GLDN: variants seen among roughly 807,000 people sequenced by gnomAD.
The protein encoded by GLDN is collomin.
Under a neutral mutation model 56.5 loss-of-function variants are expected in GLDN, and 47 were observed. The observed-to-expected ratio is 0.83, with a 90% CI of 0.66 to 1.06. The LOEUF is 1.06. Ranked by LOEUF, GLDN falls within the 50% of genes least tolerant of loss-of-function variation. The pLI, the probability that GLDN is intolerant of heterozygous loss-of-function variation, is 0.00. For synonymous variants in GLDN, 332 were observed against 278.8 expected (o/e 1.19, Z -1.90); for missense variants, 782 against 714.3 (o/e 1.09, Z -1.08).
At chr15:51,387,125 CTCCAACCTCAGG>C (rs2037914396) in intron 4 of GLDN, among the ~76,000 whole-genome samples, 1 of 152,046 alleles carries the variant, frequency 6.6e-6, no homozygotes, top group Non-Finnish European at 1.5e-5. Context: ...CCCTGAGAAG[CTCCAACCTCAGG>C]TGACAAAGTA....
chr15:51,398,521 A>G (rs1335802012), intron 6 of GLDN, among the ~76,000 whole-genome samples: 1 of 152,184 alleles, frequency 6.6e-6, no homozygotes, highest in Non-Finnish European at 1.5e-5. Context: ...CCTCACTGGA[A>G]TTTCTCAGCC....
At chr15:51,353,259 A>G (rs1414935919) in intron 1 of GLDN, among the ~76,000 whole-genome samples, 2 of 151,956 alleles carry the variant, frequency 1.3e-5, no homozygotes, top group African/African-American at 2.4e-5. Flanking sequence ...CTGCCAAACT[A>G]TCTTTCTAAA....
At chr15:51,388,809 C>T (rs1450927168) in intron 4 of GLDN, among the ~76,000 whole-genome samples, 3 of 152,148 alleles carry the variant, frequency 2.0e-5, no homozygotes, top group African/African-American at 7.2e-5. Context: ...AGAGCAAGAG[C>T]GAACAGGAAA....
chr15:51,385,105 T>C (rs1031331736), intron 4 of GLDN: 2 of 152,162 alleles, frequency 1.3e-5, no homozygotes, highest in Admixed American at 6.5e-5. Context: ...GTAATTACCA[T>C]TGGAATTACA....
Position 51,383,869 on chromosome 15 carries a change from C to A in GLDN, c.518C>A (p.Ala173Glu). The A allele has an allele frequency of 6.2e-7, 1 of 1,611,012 alleles. No homozygotes were observed. ...CAGGGCCCAAAAGGAGAAAAAGGAG[C>A]AAATGGAAAAAGAGGAAAAATGGGT... ...GPQGPKGEKG[A>E]NGKRGKMGIP... is the part of the protein sequence containing the mutation. Residue 173 changes from alanine to glutamate, a missense_variant, in exon 4 of 10, where the codon GCA becomes GAA. Physicochemically the swap from Ala to Glu is moderately radical, Grantham distance 107 (BLOSUM62 -1). Coordinates refer to ENST00000335449, the MANE Select transcript of GLDN (RefSeq NM_181789.4).
intron 4 of GLDN, chr15:51,385,536 A>G (rs1595828331): frequency 6.6e-6 from 1 of 152,362 alleles, no homozygotes; most frequent in African/African-American, 2.4e-5. Context: ...CGGATAATAA[A>G]TAAGATAAAT....
rs370821864 is a variant in GLDN at position 51,378,100 on chromosome 15, C to G, written c.415+600C>G. Among the ~76,000 whole-genome samples, 18 of 152,292 alleles carry G rather than the reference C, an allele frequency of 1.2e-4. No individual in the cohort carries two copies. The South Asian group carries it at 2.9e-3, about 25-fold the overall frequency. ...TTTTTCCCCAATATTTCCCCCACCT[C>G]CCTCTCATTACCTGCCTTGCATTAG... On this transcript the variant is annotated intron_variant, in intron 2 of 9. Coordinates refer to ENST00000335449, the MANE Select transcript of GLDN (RefSeq NM_181789.4).
At chr15:51,379,287 C>T (rs1056423816) in intron 2 of GLDN, among the ~76,000 whole-genome samples, 2 of 152,196 alleles carry the variant, frequency 1.3e-5, no homozygotes, top group African/African-American at 2.4e-5. Flanking sequence ...AGCATATCTT[C>T]TGGGAGAGCA....
At chr15:51,395,626 C>T (rs532145909) in intron 5 of GLDN, among the ~76,000 whole-genome samples, 7 of 152,240 alleles carry the variant, frequency 4.6e-5, no homozygotes, top group East Asian at 3.9e-4. Context: ...AACTCTCTTA[C>T]GTGCAGCCCA....
At chr15:51,395,522 G>T (rs956833135) in intron 5 of GLDN, among the ~76,000 whole-genome samples, 5 of 152,174 alleles carry the variant, frequency 3.3e-5, no homozygotes, top group African/African-American at 1.2e-4. Flanking sequence ...TTTACTGGGG[G>T]CTTCATAGAG....
At chr15:51,377,138 C>T in intron 1 of GLDN, 1 of 390,854 alleles carries the variant, frequency 2.6e-6, no homozygotes. Flanking sequence ...TTACAATCTG[C>T]AGTGTGGTAG....
At chr15:51,357,744 A>G (rs1170066302) in intron 1 of GLDN, among the ~76,000 whole-genome samples, 5 of 152,344 alleles carry the variant, frequency 3.3e-5, no homozygotes, top group Non-Finnish European at 1.5e-5. Flanking sequence ...CCATGCATGC[A>G]TTCCATGCCT....
downstream of GLDN, among the ~76,000 whole-genome samples, chr15:51,412,475 G>T (rs1595847871): frequency 6.6e-6 from 1 of 152,264 alleles, no homozygotes; most frequent in Non-Finnish European, 1.5e-5. Flanking sequence ...GGTAAAAGAT[G>T]GATCTGTATT....
intron 4 of GLDN, among the ~76,000 whole-genome samples, chr15:51,389,116 C>G (rs1386858292): frequency 2.0e-5 from 3 of 152,216 alleles, no homozygotes; most frequent in Non-Finnish European, 4.4e-5. Flanking sequence ...CTGGGCAAGT[C>G]ACTCCAAGAT....
chr15:51,355,791 G>A (rs1420129428), intron 1 of GLDN, among the ~76,000 whole-genome samples: 2 of 150,396 alleles, frequency 1.3e-5, no homozygotes, highest in Non-Finnish European at 3.0e-5. Context: ...CCAAAGTGCT[G>A]GGATTACAGG....
chr15:51,377,392 G>A, intron 1 of GLDN, 57 bp from the exon 2 acceptor site: 1 of 1,400,992 alleles, frequency 7.1e-7, no homozygotes, highest in Middle Eastern at 1.8e-4. Flanking sequence ...CTGAATAAAG[G>A]ATGAGCCCAG....
In GLDN at chr15:51,406,068, C is replaced by G. The variant is rs142103887; in HGVS notation, c.*1314C>G. On this transcript the variant is annotated 3_prime_UTR_variant, in exon 10 of 10. Transcript: ENST00000335449. The stretch of plus-strand genomic sequence containing the variant: ...TTTTGTTTTGTTCTAAACTAAGAAG[C>G]CGCATAGGATGTGACTTGCGTTTTG... The G allele has an allele frequency of 4.2e-4, 64 of 152,234 alleles. No homozygotes were observed. The highest frequency in any genetic ancestry group is 1.5e-3 in the African/African-American group (64 of 41,526). The allele number at this position is 152,234 out of a possible 1,614,324, so 9.4% of individuals were successfully genotyped here.
intron 2 of GLDN, among the ~76,000 whole-genome samples, chr15:51,379,954 A>G (rs1219166947): frequency 6.6e-6 from 1 of 152,210 alleles, no homozygotes; most frequent in Non-Finnish European, 1.5e-5. Flanking sequence ...GGGCAAGTAC[A>G]GACCCTCACA....
chr15:51,406,202 C>T lies in GLDN; in HGVS notation c.*1448C>T, dbSNP rs2038377586. 6.6e-6 allele frequency: 1 copy of T among 152,202 alleles called. No individual in the cohort carries two copies. Among genetic ancestry groups the T allele is most frequent in the African/African-American group, 2.4e-5 (1 of 41,450 alleles). 9.4% of individuals were successfully genotyped at this position (152,202 alleles called of 1,614,324 possible). ...GTTTTAAAGGATGTGATCTGGTCCCCTTGGATGCCAGGAGAGAATCCAGTT... is the reference window on the plus strand; with the variant it reads ...GTTTTAAAGGATGTGATCTGGTCCCTTTGGATGCCAGGAGAGAATCCAGTT... On this transcript the variant is annotated 3_prime_UTR_variant, in exon 10 of 10. Coordinates refer to ENST00000335449, the MANE Select transcript of GLDN (RefSeq NM_181789.4).
Sources: gnomAD v4.1 joint callset for allele counts (sites outside exome capture counted in the v4.1 genomes callset) on GRCh38, gnomAD v4.1.1 for gene constraint, MANE v1.5 for transcripts, NCBI Gene and HGNC (gene_info 2026-07-23, HGNC 2026-07-21) for gene names.